FAM131A: variants seen among roughly 807,000 people sequenced by gnomAD.
FAM131A encodes family with sequence similarity 131 member A, also known as protein FAM131A.
Under a neutral mutation model 39.2 loss-of-function variants are expected in FAM131A, and 24 were observed. The ratio of observed to expected loss-of-function variants is 0.61; its 90% CI spans 0.44 to 0.86. The LOEUF (loss-of-function observed/expected upper bound fraction) is 0.86. FAM131A is among the 40% of genes least tolerant of loss of function. The pLI is 0.00. For synonymous variants in FAM131A, 202 were observed against 206.8 expected (o/e 0.98, Z 0.20); for missense variants, 373 against 481.2 (o/e 0.78, Z 2.10).
At position 184,338,451 on chromosome 3, in the gene FAM131A, T is replaced by C; in HGVS notation, c.153T>C (p.Ser51=). 1 of 1,527,828 alleles carries C rather than the reference T, an allele frequency of 6.5e-7. No individual in the cohort carries two copies. Among genetic ancestry groups the C allele is most frequent in the African/African-American group, 1.4e-5 (1 of 72,682 alleles). 94.6% of individuals were successfully genotyped at this position (1,527,828 alleles called of 1,614,324 possible). The change falls in exon 2 of 6, where the codon TCT becomes TCC. Residue 51 remains serine (S), a synonymous_variant. Coordinates refer to ENST00000383847, the MANE Select transcript of FAM131A (RefSeq NM_144635.5). The part of the protein sequence containing the change: ...IELPRGLSLS[S]LGSARTLRGW... ...TTCCTCGGGGTCTCTCTCTATCCTC[T>C]TTGGGATCTGCTCGAACCCTCCGAG...
rs766200478 is a variant in FAM131A, at chr3:184,344,620, G to A, written c.751G>A (p.Asp251Asn). The A allele has an allele frequency of 6.8e-5, 109 of 1,612,990 alleles. No homozygotes were observed. Among genetic ancestry groups the A allele is most frequent in the Non-Finnish European group, 8.8e-5 (104 of 1,179,852 alleles). Residue 251 changes from aspartate (D) to asparagine (N), a missense_variant, in exon 6 of 6, where the codon GAC becomes AAC. By Grantham distance (23) the Asp-to-Asn change is conservative (BLOSUM62 1). Around this residue, in one of 2 missense-constraint regions of FAM131A, gnomAD observed 221 missense variants for 347.7 expected, o/e 0.64. Transcript: ENST00000383847. Reference sequence around the variant, plus strand: ...CGACTGCTCACAGACCGTGTCCCCAGACACCCTGTGCTCTAGTCTGTGCAG... The same window carrying A: ...CGACTGCTCACAGACCGTGTCCCCAAACACCCTGTGCTCTAGTCTGTGCAG... The part of the protein sequence containing the change: ...ESDCSQTVSP[D>N]TLCSSLCSLE...
In FAM131A at chr3:184,338,421, C is replaced by T. The variant is rs1384924397; in HGVS notation, c.123C>T (p.Ile41=). The T allele has an allele frequency of 1.0e-5, 15 of 1,487,356 alleles. No individual in the cohort carries two copies. The highest frequency in any genetic ancestry group is 2.3e-5 in the Admixed American group (1 of 43,428). The allele number at this position is 1,487,356 out of a possible 1,614,324, so 92.1% of individuals were successfully genotyped here. A position where few individuals can be genotyped will look rare whatever the true frequency, so the allele number is the denominator to read the frequency against. ...SSDPAWAVEW[I]ELPRGLSLSS... is the part of the protein sequence containing the mutation. ...ACCCCGCTTGGGCTGTGGAGTGGAT[C>T]GAACTTCCTCGGGGTCTCTCTCTAT... is the stretch of plus-strand genomic sequence containing the variant. The change falls in exon 2 of 6, where the codon ATC becomes ATT. Residue 41 remains isoleucine (I), a synonymous_variant. Transcript: ENST00000383847.
chr3:184,345,667 CT>C lies in FAM131A; in HGVS notation c.*698del, dbSNP rs780138574. ...TACCCTCCACCCTTTTCCTGGCCCC[CT>C]AATGGGGCCTGGGCCCTTTCCCAAC... is the stretch of plus-strand genomic sequence containing the variant. On this transcript the variant is annotated 3_prime_UTR_variant, in exon 6 of 6. Transcript: ENST00000383847. 4 of 672,240 alleles carry C rather than the reference CT, an allele frequency of 6.0e-6. No individual in the cohort carries two copies. In the South Asian group the frequency reaches 6.5e-5, roughly 11 times the overall value. 41.6% of individuals were successfully genotyped at this position (672,240 alleles called of 1,614,324 possible).
chr3:184,344,463 C>A, intron 5 of FAM131A, 32 bp from the exon 6 acceptor site: 4 of 1,507,106 alleles, frequency 2.7e-6, no homozygotes, highest in Non-Finnish European at 3.6e-6. Context: ...ATGGAGCCAG[C>A]AGGACTGTCT....
At position 184,345,298 on chromosome 3, in the gene FAM131A, A is replaced by C; in HGVS notation, c.*328A>C. On this transcript the variant is annotated 3_prime_UTR_variant, in exon 6 of 6. Transcript: ENST00000383847. ...TCCTCCTCGGATAATGTGAACCACT[A>C]AGGGGGTTGTGACTGGGCTGTGTGA... is the stretch of plus-strand genomic sequence containing the variant. The C allele has an allele frequency of 2.0e-6, 1 of 509,638 alleles. No individual in the cohort carries two copies. The highest frequency in any genetic ancestry group is 3.5e-6 in the Non-Finnish European group (1 of 285,720). 31.6% of individuals were successfully genotyped at this position (509,638 alleles called of 1,614,324 possible).
At chr3:184,341,310 C>T (rs908305706) in intron 2 of FAM131A, 111 of 225,830 alleles carry the variant, frequency 4.9e-4, no homozygotes, top group Admixed American at 1.5e-3. Flanking sequence ...CCGAGTCTGC[C>T]GGAATGTGGA....
chr3:184,336,809 G>A (rs1309067022), upstream of FAM131A, among the ~76,000 whole-genome samples: 1 of 152,152 alleles, frequency 6.6e-6, no homozygotes. This position sits in a 1 kb window ranked among gnomAD's most constrained non-coding sequence, Gnocchi z 5.5. Context: ...AGGCCATCAG[G>A]GCTTCCTTCC....
chr3:184,336,327 T>G (rs1462422692), upstream of FAM131A, among the ~76,000 whole-genome samples: 1 of 152,172 alleles, frequency 6.6e-6, no homozygotes, highest in East Asian at 1.9e-4. The surrounding 1 kb of genome is among the most constrained non-coding windows in gnomAD (Gnocchi z 5.5). Flanking sequence ...ACGGCCTGCC[T>G]GCCTTGGGGT....
rs933887009 is a variant in FAM131A, at chr3:184,342,696, C to A, written c.509-48C>A. 1.8e-5 allele frequency: 28 copies of A among 1,533,758 alleles called. No individual in the cohort carries two copies. The highest frequency in any genetic ancestry group is 2.2e-5 in the Non-Finnish European group (25 of 1,111,586). ...CTCTCTCCTGTCTTCAAGCTGAGCC[C>A]TAGACTTAGCTCACCTTCTCTGCTT... is the stretch of plus-strand genomic sequence containing the variant. On this transcript the variant is annotated intron_variant, in intron 4 of 5. Transcript: ENST00000383847. This position sits in a 1 kb window ranked among gnomAD's most constrained non-coding sequence, Gnocchi z 4.6.
intron 2 of FAM131A, chr3:184,340,929 A>G (rs775771764): frequency 6.6e-6 from 1 of 152,382 alleles, no homozygotes; most frequent in Non-Finnish European, 1.5e-5. Context: ...AGAAAGAGCT[A>G]GCCAGCCATC....
Position 184,344,672 on chromosome 3 carries a change from C to T in FAM131A, c.803C>T (p.Pro268Leu), listed in dbSNP as rs753917077. The change falls in exon 6 of 6, where the codon CCG becomes CTG. Residue 268 changes from proline to leucine, a missense_variant. Physicochemically the swap from Pro to Leu is moderately conservative, Grantham distance 98. Transcript: ENST00000383847. ...CSLEDGLLGSPARLASQLLGD... is the reference protein window; with the variant it reads ...CSLEDGLLGSLARLASQLLGD... ...CTGGAGGATGGGTTGTTGGGCTCCC[C>T]GGCCCGGCTGGCCTCCCAGCTGCTG... The T allele has an allele frequency of 2.5e-6, 4 of 1,612,400 alleles. No individual in the cohort carries two copies. Among genetic ancestry groups the T allele is most frequent in the Non-Finnish European group, 1.7e-6 (2 of 1,179,770 alleles).
rs547386620 is a variant in FAM131A at position 184,345,005 on chromosome 3, G to A, written c.*35G>A. 26 of 1,472,082 alleles carry A rather than the reference G, an allele frequency of 1.8e-5. No homozygotes were observed. In the South Asian group the frequency reaches 2.1e-4, roughly 12 times the overall value. 91.2% of individuals were successfully genotyped at this position (1,472,082 alleles called of 1,614,324 possible). A position where few individuals can be genotyped will look rare whatever the true frequency, so the allele number is the denominator to read the frequency against. ...TGCCTGGCAGTGGCATGCATCCCCC[G>A]GCTGCTGCCAGGGGCAGAGCCTCTG... On this transcript the variant is annotated 3_prime_UTR_variant, in exon 6 of 6. Transcript: ENST00000383847.
chr3:184,341,834 A>T lies in FAM131A; in HGVS notation c.325+17A>T. The T allele has an allele frequency of 6.2e-7, 1 of 1,613,576 alleles. No homozygotes were observed. The highest frequency in any genetic ancestry group is 1.1e-5 in the South Asian group (1 of 91,062). On this transcript the variant is annotated intron_variant, in intron 3 of 5. Transcript: ENST00000383847. Reference sequence around the variant, plus strand: ...CCCTGCATGGTATGCAGCCCCTCCCATGTTTCTGGCCACTTTGTCCTTTCT... The same window carrying T: ...CCCTGCATGGTATGCAGCCCCTCCCTTGTTTCTGGCCACTTTGTCCTTTCT...
rs1202422135 is a variant in FAM131A at position 184,342,568 on chromosome 3, A to G, written c.509-176A>G. 6.6e-6 allele frequency among the ~76,000 whole-genome samples: 1 copy of G among 151,758 alleles called. No homozygotes were observed. The highest frequency in any genetic ancestry group is 1.5e-5 in the Non-Finnish European group (1 of 67,932). On this transcript the variant is annotated intron_variant, in intron 4 of 5. Coordinates refer to ENST00000383847, the MANE Select transcript of FAM131A (RefSeq NM_144635.5). This position sits in a 1 kb window ranked among gnomAD's most constrained non-coding sequence, Gnocchi z 4.6. The stretch of plus-strand genomic sequence containing the variant: ...TGATCCACCTGCCTCGGCCTCCCAA[A>G]GTGCTGGGATTACAGGCATAAGCCA...
chr3:184,344,848 G>C lies in FAM131A; in HGVS notation c.979G>C (p.Asp327His). Residue 327 changes from aspartate (D) to histidine (H), a missense_variant, in exon 6 of 6, where the codon GAC becomes CAC. Physicochemically the swap from Asp to His is moderately conservative, Grantham distance 81. Around this residue, in one of 2 missense-constraint regions of FAM131A, gnomAD observed 152 missense variants for 133.5 expected, o/e 1.14. Transcript: ENST00000383847. ...GGAGGAGGAGCCAGCCCCCTGCAAG[G>C]ACTGCCAGCCACTCTGCCCACCACT... ...PAEEEPAPCK[D>H]CQPLCPPLTG... 6.2e-7 allele frequency: 1 copy of C among 1,610,906 alleles called. No individual in the cohort carries two copies. Among genetic ancestry groups the C allele is most frequent in the African/African-American group, 1.3e-5 (1 of 75,056 alleles).
chr3:184,338,320 C>T lies in FAM131A; in HGVS notation c.89-67C>T. 5.0e-6 allele frequency: 7 copies of T among 1,391,122 alleles called. No homozygotes were observed. In the South Asian group the frequency reaches 8.2e-5, roughly 16 times the overall value. The allele number at this position is 1,391,122 out of a possible 1,614,324, so 86.2% of individuals were successfully genotyped here. ...GGGGCCGAGAAATGATACGGCAATA[C>T]TGGATGAAAATGGGGATCTCTGCAG... On this transcript the variant is annotated intron_variant, in intron 1 of 5. Coordinates refer to ENST00000383847, the MANE Select transcript of FAM131A (RefSeq NM_144635.5).
chr3:184,341,363 A>C lies in FAM131A; in HGVS notation c.232-361A>C, dbSNP rs142026935. ...GGAGCAAGGGGCAGAGGGGAAGGGA[A>C]TCTTAAAGAAGTCCTGGATGCCACA... is the stretch of plus-strand genomic sequence containing the variant. On this transcript the variant is annotated intron_variant, in intron 2 of 5. Transcript: ENST00000383847. 801 of 286,664 alleles carry C rather than the reference A, an allele frequency of 2.8e-3. 2 individuals are homozygous for C. Among genetic ancestry groups the C allele is most frequent in the African/African-American group, 0.017 (753 of 45,270 alleles). 17.8% of individuals were successfully genotyped at this position (286,664 alleles called of 1,614,324 possible).
At position 184,345,264 on chromosome 3, in the gene FAM131A, A is replaced by G; in HGVS notation, c.*294A>G. On this transcript the variant is annotated 3_prime_UTR_variant, in exon 6 of 6. Coordinates refer to ENST00000383847, the MANE Select transcript of FAM131A (RefSeq NM_144635.5). Reference sequence around the variant, plus strand: ...GATGTTCATGTTCTTAAAATGCCACACACACATTTCCTCCTCGGATAATGT... The same window carrying G: ...GATGTTCATGTTCTTAAAATGCCACGCACACATTTCCTCCTCGGATAATGT... The G allele has an allele frequency of 1.8e-6, 1 of 566,936 alleles. No individual in the cohort carries two copies. The allele number at this position is 566,936 out of a possible 1,614,324, so 35.1% of individuals were successfully genotyped here.
Position 184,342,279 on chromosome 3 carries a change from C to G in FAM131A, c.508+31C>G. On this transcript the variant is annotated intron_variant, in intron 4 of 5. Coordinates refer to ENST00000383847, the MANE Select transcript of FAM131A (RefSeq NM_144635.5). The surrounding 1 kb of genome is among the most constrained non-coding windows in gnomAD (Gnocchi z 4.6). ...TGGCAGAAAGGGGATAAGCTACACT[C>G]TTGGCACAGGGCTGCTTTCTTTCTT... 1 of 1,556,536 alleles carries G rather than the reference C, an allele frequency of 6.4e-7. No individual in the cohort carries two copies. Among genetic ancestry groups the G allele is most frequent in the Non-Finnish European group, 8.7e-7 (1 of 1,155,282 alleles).
Sources: gnomAD v4.1 joint callset for allele counts (sites outside exome capture counted in the v4.1 genomes callset) on GRCh38, gnomAD v4.1.1 for gene constraint, gnomAD v4.1.1 regional missense constraint, Gnocchi (gnomAD v3.1) non-coding constraint, MANE v1.5 for transcripts, NCBI Gene and HGNC (gene_info 2026-07-23, HGNC 2026-07-21) for gene names.